Variants in AUH observed in about 807,000 individuals in gnomAD.
The protein encoded by AUH is methylglutaconyl-CoA hydratase, mitochondrial.
AUH carries 29 observed loss-of-function variants against 42.3 expected under a neutral mutation model. The observed-to-expected ratio is 0.69, with a 90% confidence interval of 0.51 to 0.93. AUH has a LOEUF of 0.93. Among genes scored for constraint, AUH ranks in the 40% least tolerant of loss-of-function variants. AUH has a pLI of 0.00. For missense variants in AUH, 452 were observed against 438.1 expected, an observed-to-expected ratio of 1.03 and a Z score of -0.28; for synonymous variants, 174 against 166.4, an observed-to-expected ratio of 1.05 and a Z score of -0.35.
At chr9:91,282,813 ATAAT>A (rs1465103652) in intron 6 of AUH, among the ~76,000 whole-genome samples, 116 of 152,330 alleles carry the variant, frequency 7.6e-4, no homozygotes, top group Non-Finnish European at 9.1e-4. Context: ...AATTGAGGCA[ATAAT>A]TAATAGCCTA....
intron 3 of AUH, among the ~76,000 whole-genome samples, chr9:91,347,212 T>TTTTTGTTTG (rs928953764): frequency 2.3e-4 from 35 of 150,182 alleles, no homozygotes; most frequent in Non-Finnish European, 3.7e-4. Flanking sequence ...TAAGAGGGTT[T>TTTTTGTTTG]TTTGTTTGTT....
At chr9:91,248,598 T>C (rs543382384) in intron 6 of AUH, among the ~76,000 whole-genome samples, 12 of 152,294 alleles carry the variant, frequency 7.9e-5, no homozygotes, top group African/African-American at 2.6e-4. Context: ...AAATAACTAG[T>C]ACGTAAATCT....
chr9:91,305,089 T>A (rs1828108020), intron 4 of AUH, among the ~76,000 whole-genome samples: 1 of 152,198 alleles, frequency 6.6e-6, no homozygotes, highest in East Asian at 1.9e-4. Context: ...TAAAACAACA[T>A]GATAGAATGT....
At chr9:91,243,437 G>T (rs1283862670) in intron 6 of AUH, among the ~76,000 whole-genome samples, 2 of 152,220 alleles carry the variant, frequency 1.3e-5, no homozygotes, top group Non-Finnish European at 2.9e-5. Flanking sequence ...GCTCCGGTTG[G>T]GCAGGTGTTG....
At chr9:91,230,581 G>T (rs1045835473) in intron 6 of AUH, among the ~76,000 whole-genome samples, 3 of 152,300 alleles carry the variant, frequency 2.0e-5, no homozygotes, top group Admixed American at 2.0e-4. Flanking sequence ...GTCCAGCTTT[G>T]TTCCGTTGCT....
At position 91,361,818 on chromosome 9, in the gene AUH, G is replaced by C; in HGVS notation, c.72C>G (p.Ala24=). 6.6e-7 allele frequency: 1 copy of C among 1,509,960 alleles called. No individual in the cohort carries two copies. Among genetic ancestry groups the C allele is most frequent in the Non-Finnish European group, 8.8e-7 (1 of 1,134,078 alleles). 93.5% of individuals were successfully genotyped at this position (1,509,960 alleles called of 1,614,324 possible). A position where few individuals can be genotyped will look rare whatever the true frequency, so the allele number is the denominator to read the frequency against. ...CCGGGCAGAGCCACGCACTGCAAGC[G>C]GCCACCAGGCGGGCGCCGCCAGCAT... ...SLHAGGARLV[A]ACSAWLCPGL... Residue 24 remains alanine, a synonymous_variant, in exon 1 of 10, where the codon GCC becomes GCG. Coordinates refer to ENST00000375731, the MANE Select transcript of AUH (RefSeq NM_001698.3).
chr9:91,223,346 T>C lies in AUH; in HGVS notation c.656-2354A>G, dbSNP rs139902165. ...TATTTGTCTTTCTGTGATTCACCTG[T>C]TTCACTTAGCGTAATGTCCTCAAGA... is the stretch of plus-strand genomic sequence containing the variant. On this transcript the variant is annotated intron_variant, in intron 6 of 9. Coordinates refer to ENST00000375731, the MANE Select transcript of AUH (RefSeq NM_001698.3). 8.1e-4 allele frequency among the ~76,000 whole-genome samples: 124 copies of C among 152,358 alleles called. 1 individual carries two copies. The highest frequency in any genetic ancestry group is 2.7e-3 in the African/African-American group (113 of 41,584).
In AUH at chr9:91,216,801, C is replaced by T. The variant is rs555575294; in HGVS notation, c.894+476G>A. 4.6e-5 allele frequency among the ~76,000 whole-genome samples: 7 copies of T among 152,332 alleles called. No individual in the cohort carries two copies. In the East Asian group the frequency reaches 1.4e-3, roughly 29 times the overall value. On this transcript the variant is annotated intron_variant, in intron 8 of 9. Transcript: ENST00000375731. ...CCTTCACTCTTTTGGAGTCATCTCC[C>T]TGGGGTACCCCCAGGACACACAATG... is the stretch of plus-strand genomic sequence containing the variant.
At chr9:91,329,850 C>G (rs1830204459) in intron 3 of AUH, among the ~76,000 whole-genome samples, 1 of 152,038 alleles carries the variant, frequency 6.6e-6, no homozygotes, top group East Asian at 1.9e-4. Flanking sequence ...AAAAGGGAAT[C>G]TTTATAATAA....
At chr9:91,224,669 A>C (rs1352361490) in intron 6 of AUH, among the ~76,000 whole-genome samples, 2 of 152,208 alleles carry the variant, frequency 1.3e-5, no homozygotes, top group Non-Finnish European at 2.9e-5. Context: ...TGAAAGGGAC[A>C]TTCTTAAATG....
In AUH at chr9:91,214,251, T is replaced by C; in HGVS notation, c.*97A>G. 2 of 1,020,494 alleles carry C rather than the reference T, an allele frequency of 2.0e-6. No homozygotes were observed. The highest frequency in any genetic ancestry group is 1.5e-6 in the Non-Finnish European group (1 of 669,290). 63.2% of individuals were successfully genotyped at this position (1,020,494 alleles called of 1,614,324 possible). On this transcript the variant is annotated 3_prime_UTR_variant, in exon 10 of 10. Coordinates refer to ENST00000375731, the MANE Select transcript of AUH (RefSeq NM_001698.3). ...ATGAATAATCTGCTCTTCACTTTGG[T>C]CATTAAGGTTCCATGTGCTGAGGCA...
chr9:91,329,836 G>A (rs563671248), intron 3 of AUH, among the ~76,000 whole-genome samples: 3 of 152,068 alleles, frequency 2.0e-5, no homozygotes, highest in Non-Finnish European at 4.4e-5. Flanking sequence ...AGCAAATTAG[G>A]AAGAAAAGGG....
intron 8 of AUH, 43 bp downstream of exon 8, chr9:91,217,234 C>T (rs1425567565): frequency 1.9e-6 from 3 of 1,570,380 alleles, no homozygotes; most frequent in East Asian, 4.5e-5. Flanking sequence ...ATTAAATCTC[C>T]ACTCTCCATT....
chr9:91,287,659 G>C (rs189599432), intron 6 of AUH, among the ~76,000 whole-genome samples: 5 of 152,124 alleles, frequency 3.3e-5, no homozygotes, highest in Admixed American at 3.3e-4. Flanking sequence ...CAAAAAACAT[G>C]AATGAGGTAC....
chr9:91,297,853 G>T, intron 5 of AUH, 131 bp downstream of exon 5: 1 of 792,954 alleles, frequency 1.3e-6, no homozygotes, highest in Non-Finnish European at 2.1e-6. Context: ...AACACCATTA[G>T]GACCAACAAG....
intron 6 of AUH, among the ~76,000 whole-genome samples, chr9:91,254,416 G>C (rs1829300677): frequency 6.6e-6 from 1 of 152,196 alleles, no homozygotes; most frequent in Non-Finnish European, 1.5e-5. Context: ...TGAAAATAAA[G>C]TGTTCAATGC....
chr9:91,231,093 C>G (rs181271666), intron 6 of AUH, among the ~76,000 whole-genome samples: 2 of 152,190 alleles, frequency 1.3e-5, no homozygotes, highest in South Asian at 2.1e-4. Context: ...TCAAGCTTCC[C>G]GGCTGCTTTG....
At position 91,357,973 on chromosome 9, in the gene AUH, G is replaced by A. The variant is rs549724069; in HGVS notation, c.263-1818C>T. ...CACATATAAAACTGGCGGGGGAATA[G>A]TTTCTATACTTGGAGATCATACCAG... On this transcript the variant is annotated intron_variant, in intron 1 of 9. Transcript: ENST00000375731. 7.9e-5 allele frequency among the ~76,000 whole-genome samples: 12 copies of A among 152,310 alleles called. No individual in the cohort carries two copies. In the East Asian group the frequency reaches 1.3e-3, roughly 17 times the overall value.
rs1199939320 is a variant in AUH, at chr9:91,356,139, T to C, written c.279A>G (p.Gly93=). Residue 93 remains glycine, a synonymous_variant, in exon 2 of 10, where the codon GGA becomes GGG. Coordinates refer to ENST00000375731, the MANE Select transcript of AUH (RefSeq NM_001698.3). The part of the protein sequence containing the change: ...EEENRGIVVL[G]INRAYGKNSL... ...AATTTTTGCCATAAGCTCTGTTTAT[T>C]CCAAGCACCACAATTCCTAGTTAAA... is the stretch of plus-strand genomic sequence containing the variant. 2.5e-6 allele frequency: 4 copies of C among 1,613,728 alleles called. No individual in the cohort carries two copies. Among genetic ancestry groups the C allele is most frequent in the Non-Finnish European group, 3.4e-6 (4 of 1,179,776 alleles).
Sources: gnomAD v4.1 joint callset for allele counts (sites outside exome capture counted in the v4.1 genomes callset) on GRCh38, gnomAD v4.1.1 for gene constraint, MANE v1.5 for transcripts, NCBI Gene and HGNC (gene_info 2026-07-23, HGNC 2026-07-21) for gene names.